The following SNAP29 variants were observed in gnomAD, a reference collection of about 807,000 sequenced individuals.
SNAP29 encodes synaptosomal-associated protein 29.
SNAP29 carries 13 observed loss-of-function variants against 27.9 expected under a neutral mutation model. The observed-to-expected ratio is 0.47, with a 90% CI of 0.30 to 0.74. The LOEUF is 0.74. Among genes scored for constraint, SNAP29 ranks in the 30% least tolerant of loss-of-function variants. SNAP29 has a pLI of 0.06. For synonymous variants in SNAP29, 119 were observed against 127.1 expected (o/e 0.94, Z 0.43); for missense variants, 368 against 336.5 (o/e 1.09, Z -0.73).
intron 2 of SNAP29, among the ~76,000 whole-genome samples, chr22:20,876,255 CTT>C (rs539425477): frequency 0.16 from 20,988 of 129,316 alleles, 1,743 homozygotes; most frequent in Middle Eastern, 0.28. Context: ...AAAACTTTGC[CTT>C]TTTTTTTTTT....
Position 20,859,054 on chromosome 22 carries a change from G to A in SNAP29, c.-57G>A, listed in dbSNP as rs1400132992. The stretch of plus-strand genomic sequence containing the variant: ...CGGCGGGCGGGGCGAGGCCCTGGAC[G>A]GCGGCGGCAGTGGGGCTCCTCCTTC... On this transcript the variant is annotated 5_prime_UTR_variant, in exon 1 of 5. Coordinates refer to ENST00000215730, the MANE Select transcript of SNAP29 (RefSeq NM_004782.4). 2.7e-6 allele frequency: 4 copies of A among 1,458,276 alleles called. No individual in the cohort carries two copies. The highest frequency in any genetic ancestry group is 2.3e-5 in the East Asian group (1 of 43,010). 90.3% of individuals were successfully genotyped at this position (1,458,276 alleles called of 1,614,324 possible). A position where few individuals can be genotyped will look rare whatever the true frequency, so the allele number is the denominator to read the frequency against.
At chr22:20,868,048 T>G (rs1306342472) in intron 1 of SNAP29, among the ~76,000 whole-genome samples, 1 of 152,198 alleles carries the variant, frequency 6.6e-6, no homozygotes, top group Admixed American at 6.5e-5. Flanking sequence ...TAGCTGGAAC[T>G]GGACTGTCAG....
At chr22:20,884,003 G>T (rs972857357) in intron 4 of SNAP29, among the ~76,000 whole-genome samples, 1 of 152,142 alleles carries the variant, frequency 6.6e-6, no homozygotes, top group Non-Finnish European at 1.5e-5. Context: ...TGGCACTTTG[G>T]CCACACAGCC....
chr22:20,874,340 GAAAATTAGCCACACACAC>G (rs1928680600), intron 2 of SNAP29, among the ~76,000 whole-genome samples: 1 of 116,932 alleles, frequency 8.6e-6, no homozygotes, highest in Non-Finnish European at 1.8e-5. Context: ...ACACACACAC[GAAAATTAGCCACACACAC>G]ACACACACAC....
In SNAP29 at chr22:20,889,438, A is replaced by T. The variant is rs1929099275; in HGVS notation, c.*1602A>T. ...CACCTCAGGGATTCTGATCCATGTCATTAACGACCATCCCAGGGTGTGAGG... is the reference window on the plus strand; with the variant it reads ...CACCTCAGGGATTCTGATCCATGTCTTTAACGACCATCCCAGGGTGTGAGG... On this transcript the variant is annotated 3_prime_UTR_variant, in exon 5 of 5. Coordinates refer to ENST00000215730, the MANE Select transcript of SNAP29 (RefSeq NM_004782.4). 6.6e-6 allele frequency: 1 copy of T among 152,216 alleles called. No individual in the cohort carries two copies. The highest frequency in any genetic ancestry group is 6.5e-5 in the Admixed American group (1 of 15,272). The allele number at this position is 152,216 out of a possible 1,614,324, so 9.4% of individuals were successfully genotyped here.
At chr22:20,871,626 T>C (rs2147864917) in intron 2 of SNAP29, among the ~76,000 whole-genome samples, 1 of 152,122 alleles carries the variant, frequency 6.6e-6, no homozygotes, top group African/African-American at 2.4e-5. Flanking sequence ...CTCACGCCTA[T>C]AATCCTAGCA....
At chr22:20,863,307 CT>C (rs1569114711) in intron 1 of SNAP29, among the ~76,000 whole-genome samples, 1 of 113,992 alleles carries the variant, frequency 8.8e-6, no homozygotes, top group Non-Finnish European at 1.8e-5. Flanking sequence ...AATCACCCAA[CT>C]TAGGTGCCTG....
chr22:20,859,855 A>C (rs887103754), intron 1 of SNAP29, among the ~76,000 whole-genome samples: 6 of 152,070 alleles, frequency 3.9e-5, no homozygotes, highest in South Asian at 4.1e-4. Context: ...TGACATCTCC[A>C]CCTAACCAAC....
intron 4 of SNAP29, among the ~76,000 whole-genome samples, chr22:20,885,916 T>C (rs942170340): frequency 1.6e-4 from 24 of 152,204 alleles, no homozygotes; most frequent in African/African-American, 5.5e-4. Context: ...GCAAGCTCTC[T>C]GGACTCCAGC....
chr22:20,878,439 G>A (rs930703646), intron 2 of SNAP29, among the ~76,000 whole-genome samples: 4 of 152,082 alleles, frequency 2.6e-5, no homozygotes, highest in African/African-American at 4.8e-5. Flanking sequence ...TTAGCCGGGC[G>A]TGGTGGCGGG....
intron 3 of SNAP29, 41 bp downstream of exon 3, chr22:20,881,175 G>C (rs970078818): frequency 7.3e-6 from 10 of 1,377,492 alleles, no homozygotes; most frequent in Non-Finnish European, 1.0e-5. Context: ...TTGAATTCTG[G>C]GGGGAGACCT....
Position 20,890,291 on chromosome 22 carries a change from T to G in SNAP29, c.*2455T>G, listed in dbSNP as rs918159439. The stretch of plus-strand genomic sequence containing the variant: ...GACAAAAAAATGCTACCCTCTAGAC[T>G]AGACACATTTCATGGAGACAAGCAA... On this transcript the variant is annotated 3_prime_UTR_variant, in exon 5 of 5. Transcript: ENST00000215730. 7.5e-6 allele frequency: 3 copies of G among 398,472 alleles called. No individual in the cohort carries two copies. The highest frequency in any genetic ancestry group is 4.1e-5 in the African/African-American group (2 of 48,616). The allele number at this position is 398,472 out of a possible 1,614,324, so 24.7% of individuals were successfully genotyped here.
intron 1 of SNAP29, 94 bp from the exon 2 acceptor site, chr22:20,870,243 G>A: frequency 2.7e-6 from 3 of 1,099,728 alleles, no homozygotes; most frequent in Non-Finnish European, 4.2e-6. Flanking sequence ...TGTGCCCACT[G>A]AGAGTTTATG....
chr22:20,884,023 A>G (rs1928953944), intron 4 of SNAP29, among the ~76,000 whole-genome samples: 2 of 152,210 alleles, frequency 1.3e-5, no homozygotes, highest in Admixed American at 6.5e-5. Flanking sequence ...CTCCAGCATG[A>G]TGTTTCAAAA....
chr22:20,867,559 GAA>G (rs1928490873), intron 1 of SNAP29, among the ~76,000 whole-genome samples: 1 of 152,150 alleles, frequency 6.6e-6, no homozygotes, highest in African/African-American at 2.4e-5. Context: ...GATTTTAGCA[GAA>G]GAAACAACTC....
chr22:20,882,930 T>C lies in SNAP29; in HGVS notation c.521-541T>C, dbSNP rs563496643. ...AGTTCATTCAAGCCAAGAAAGATAA[T>C]TTTAAAAAAGAAGAAACTAAAAGTT... is the stretch of plus-strand genomic sequence containing the variant. On this transcript the variant is annotated intron_variant, in intron 3 of 4. Coordinates refer to ENST00000215730, the MANE Select transcript of SNAP29 (RefSeq NM_004782.4). Among the ~76,000 whole-genome samples, 3 of 151,722 alleles carry C rather than the reference T, an allele frequency of 2.0e-5. No individual in the cohort carries two copies. In the East Asian group the frequency reaches 5.8e-4, roughly 29 times the overall value.
Position 20,883,471 on chromosome 22 carries a change from A to T in SNAP29, c.521A>T (p.Asp174Val). The change falls in exon 4 of 5, where the codon GAC becomes GTC. Residue 174 changes from aspartate to valine, a missense_variant and splice_region_variant. Asp to Val is a radical substitution (Grantham distance 152, BLOSUM62 -3). Coordinates refer to ENST00000215730, the MANE Select transcript of SNAP29 (RefSeq NM_004782.4). ...HPNLRKLDDT[D>V]PVPRGAGSAM... ...TCCTGGTGTTTCCTTCTAAACTTAG[A>T]CCCTGTCCCCAGAGGGGCTGGTTCT... is the stretch of plus-strand genomic sequence containing the variant. The T allele has an allele frequency of 6.2e-7, 1 of 1,603,208 alleles. No homozygotes were observed. Among genetic ancestry groups the T allele is most frequent in the Admixed American group, 1.7e-5 (1 of 59,972 alleles).
At chr22:20,881,759 A>G (rs1011097183) in intron 3 of SNAP29, among the ~76,000 whole-genome samples, 4 of 152,200 alleles carry the variant, frequency 2.6e-5, no homozygotes, top group Admixed American at 6.5e-5. Flanking sequence ...GTCATTCTCA[A>G]TTGTTCCAGC....
rs1929068802 is a variant in SNAP29 at position 20,888,310 on chromosome 22, T to TACACACACACACACACAC, written c.*474_*475insACACACACACACACACAC. On this transcript the variant is annotated 3_prime_UTR_variant, in exon 5 of 5. Coordinates refer to ENST00000215730, the MANE Select transcript of SNAP29 (RefSeq NM_004782.4). ...CCACACCTTTGTTTAGGAGTCATCA[T>TACACACACACACACACAC]TCACACACACACACACACACACACA... is the stretch of plus-strand genomic sequence containing the variant. 5.5e-6 allele frequency: 1 copy of TACACACACACACACACAC among 182,422 alleles called. No individual in the cohort carries two copies. The highest frequency in any genetic ancestry group is 5.1e-5 in the African/African-American group (1 of 19,446). 11.3% of individuals were successfully genotyped at this position (182,422 alleles called of 1,614,324 possible). A position where few individuals can be genotyped will look rare whatever the true frequency, so the allele number is the denominator to read the frequency against.
Sources: allele counts gnomAD v4.1 joint callset (sites outside exome capture counted in the v4.1 genomes callset), GRCh38; gene constraint gnomAD v4.1.1; transcripts MANE v1.5; gene names NCBI Gene and HGNC (gene_info 2026-07-23, HGNC 2026-07-21).